Variants in SEMA4D observed in about 807,000 individuals in gnomAD.
SEMA4D encodes the protein semaphorin 4D, also known as semaphorin-4D.
A neutral mutation model predicts 74.8 loss-of-function variants in SEMA4D; 22 were observed. That is an observed-to-expected ratio of 0.29 (90% CI 0.21 to 0.42). The LOEUF (loss-of-function observed/expected upper bound fraction) is 0.42. Ranked by LOEUF, SEMA4D falls within the 10% of genes least tolerant of loss-of-function variation. The pLI is 1.00. For missense variants in SEMA4D, 937 were observed against 1,118.4 expected, an observed-to-expected ratio of 0.84 and a Z score of 2.31; for synonymous variants, 445 against 463.7, an observed-to-expected ratio of 0.96 and a Z score of 0.52.
intron 2 of SEMA4D, among the ~76,000 whole-genome samples, chr9:89,451,892 G>A (rs7850091): frequency 6.6e-6 from 1 of 152,214 alleles, no homozygotes; most frequent in Non-Finnish European, 1.5e-5. Flanking sequence ...GCCTTCTGTG[G>A]GCAAACTCTT....
intron 1 of SEMA4D, among the ~76,000 whole-genome samples, chr9:89,477,853 A>T (rs1470940054): frequency 6.6e-6 from 1 of 152,246 alleles, no homozygotes; most frequent in Admixed American, 6.5e-5. Flanking sequence ...ATATCCAACA[A>T]GTATTCTTGT....
At chr9:89,406,775 C>T (rs565482357) in intron 2 of SEMA4D, among the ~76,000 whole-genome samples, 1 of 152,296 alleles carries the variant, frequency 6.6e-6, no homozygotes, top group African/African-American at 2.4e-5. Flanking sequence ...GGAACAACCA[C>T]ACCCCTGAGC....
At chr9:89,496,605 T>C (rs1446438167) in intron 1 of SEMA4D, among the ~76,000 whole-genome samples, 1 of 152,210 alleles carries the variant, frequency 6.6e-6, no homozygotes, top group African/African-American at 2.4e-5. Context: ...GCCCGCCTGC[T>C]TTCTTCTTCT....
chr9:89,419,395 T>C (rs1488263661), intron 2 of SEMA4D, among the ~76,000 whole-genome samples: 1 of 152,232 alleles, frequency 6.6e-6, no homozygotes, highest in Admixed American at 6.5e-5. Flanking sequence ...GGCTGAGCAT[T>C]TGGGCACAAC....
At chr9:89,438,062 A>G (rs904970942) in intron 2 of SEMA4D, among the ~76,000 whole-genome samples, 4 of 152,218 alleles carry the variant, frequency 2.6e-5, no homozygotes, top group African/African-American at 9.6e-5. Flanking sequence ...ACCAGAGGAC[A>G]CTTTACCCAG....
chr9:89,458,044 C>CAACA (rs897231923), intron 1 of SEMA4D, among the ~76,000 whole-genome samples: 8 of 152,068 alleles, frequency 5.3e-5, no homozygotes, highest in Admixed American at 3.9e-4. Flanking sequence ...AACAAACAAA[C>CAACA]AACAAACAAC....
chr9:89,432,390 G>A (rs1849470167), intron 2 of SEMA4D, among the ~76,000 whole-genome samples: 1 of 152,180 alleles, frequency 6.6e-6, no homozygotes, highest in South Asian at 2.1e-4. Context: ...AATTCAGGAT[G>A]ATCAGGGCGG....
At chr9:89,370,307 TATGTC>T (rs374454047) in intron 16 of SEMA4D, among the ~76,000 whole-genome samples, 4 of 151,680 alleles carry the variant, frequency 2.6e-5, no homozygotes, top group African/African-American at 4.8e-5. Context: ...GTGTGCGTGT[TATGTC>T]GTGTGTGTGT....
chr9:89,373,772 C>T (rs1835429863), downstream of SEMA4D, among the ~76,000 whole-genome samples: 1 of 152,182 alleles, frequency 6.6e-6, no homozygotes. Flanking sequence ...CTTGAGTGCA[C>T]TGTATTGCAA....
rs1195020460 is a variant in SEMA4D at position 89,387,536 on chromosome 9, C to T, written c.1180G>A (p.Val394Ile). The change falls in exon 12 of 16, where the codon GTT (valine) becomes ATT (isoleucine). Residue 394 changes from valine (V) to isoleucine (I), a missense_variant. Transcript: ENST00000422704. ...TCATCCATCAAAGGGTGGTCTTTAACGAACTGCAGCGTCTTGTCTGGCAAA... is the reference window on the plus strand; with the variant it reads ...TCATCCATCAAAGGGTGGTCTTTAATGAACTGCAGCGTCTTGTCTGGCAAA... ...LNLPDKTLQF[V>I]KDHPLMDDSV... 2 of 1,614,222 alleles carry T rather than the reference C, an allele frequency of 1.2e-6. No homozygotes were observed. Among genetic ancestry groups the T allele is most frequent in the South Asian group, 2.2e-5 (2 of 91,088 alleles).
At chr9:89,476,982 C>A (rs1198288172) in intron 1 of SEMA4D, among the ~76,000 whole-genome samples, 1 of 152,136 alleles carries the variant, frequency 6.6e-6, no homozygotes, top group Non-Finnish European at 1.5e-5. Context: ...ACTGTACTAC[C>A]ATGTCAAATT....
chr9:89,461,700 C>CTCTTTTTTTTTTTTTTTTTTCTTTT (rs71281350), intron 1 of SEMA4D, among the ~76,000 whole-genome samples: 1 of 103,646 alleles, frequency 9.6e-6, no homozygotes, highest in Non-Finnish European at 1.9e-5. Context: ...TCTTTTTTCT[C>CTCTTTTTTTTTTTTTTTTTTCTTTT]TTTTTTTTTT....
At chr9:89,363,290 C>A (rs932011915) in intron 18 of SEMA4D, 5 of 1,289,778 alleles carry the variant, frequency 3.9e-6, no homozygotes, top group Middle Eastern at 2.8e-4. Context: ...TTGCAGATTT[C>A]ATAAAGGAAA....
At position 89,490,118 on chromosome 9, in the gene SEMA4D, T is replaced by C. The variant is rs11790054; in HGVS notation, c.-310+7801A>G. Among the ~76,000 whole-genome samples the C allele has an allele frequency of 2.5e-4, 38 of 152,142 alleles. 1 individual carries two copies. The highest frequency in any genetic ancestry group is 1.4e-3 in the Admixed American group (21 of 15,270). ...ACATTTCCCTAACAACTAATGATGT[T>C]AAGCACCTTCTCGCATGTTTATTGG... On this transcript the variant is annotated intron_variant, in intron 1 of 15. Coordinates refer to ENST00000422704, the MANE Select transcript of SEMA4D (RefSeq NM_001371194.2).
At chr9:89,466,029 G>T (rs1198440752) in intron 1 of SEMA4D, among the ~76,000 whole-genome samples, 1 of 152,164 alleles carries the variant, frequency 6.6e-6, no homozygotes, top group East Asian at 1.9e-4. Context: ...GGAGCACTGG[G>T]GCTTGAGGAG....
At chr9:89,413,158 C>G (rs976560603) in intron 2 of SEMA4D, among the ~76,000 whole-genome samples, 4 of 152,188 alleles carry the variant, frequency 2.6e-5, no homozygotes, top group African/African-American at 9.7e-5. Context: ...AATGACTTGA[C>G]ACAGGAGCCC....
At chr9:89,380,977 C>G in intron 15 of SEMA4D, 78 bp downstream of exon 15, 1 of 1,539,488 alleles carries the variant, frequency 6.5e-7, no homozygotes, top group Non-Finnish European at 9.0e-7. Flanking sequence ...ACACAAATGC[C>G]ACAGAACTGA....
intron 2 of SEMA4D, among the ~76,000 whole-genome samples, chr9:89,415,296 G>A (rs1181113138): frequency 1.3e-5 from 2 of 152,164 alleles, no homozygotes; most frequent in Non-Finnish European, 2.9e-5. Context: ...GGGGGCCAAC[G>A]GTCTCCCTAC....
chr9:89,391,347 C>T lies in SEMA4D; in HGVS notation c.691G>A (p.Val231Ile). The change falls in exon 9 of 16, where the codon GTC (valine) becomes ATC (isoleucine). Residue 231 changes from valine to isoleucine, a missense_variant. Val to Ile is a conservative substitution (Grantham distance 29). Coordinates refer to ENST00000422704, the MANE Select transcript of SEMA4D (RefSeq NM_001371194.2). ...GACACCTCCGTGAAGAAGAAGTAGACCCTGTCATCCTCGCCGTCGGGGCTG... is the reference window on the plus strand; with the variant it reads ...GACACCTCCGTGAAGAAGAAGTAGATCCTGTCATCCTCGCCGTCGGGGCTG... ...PDSPDGEDDR[V>I]YFFFTEVSVE... is the part of the protein sequence containing the mutation. 1 of 1,614,266 alleles carries T rather than the reference C, an allele frequency of 6.2e-7. No individual in the cohort carries two copies. Among genetic ancestry groups the T allele is most frequent in the Non-Finnish European group, 8.5e-7 (1 of 1,180,044 alleles).
Sources: allele counts gnomAD v4.1 joint callset (sites outside exome capture counted in the v4.1 genomes callset), GRCh38; gene constraint gnomAD v4.1.1; transcripts MANE v1.5; gene names NCBI Gene and HGNC (gene_info 2026-07-23, HGNC 2026-07-21).